SBNO2: variants seen among roughly 807,000 people sequenced by gnomAD.
SBNO2 encodes protein strawberry notch homolog 2.
SBNO2 carries 89 observed loss-of-function variants against 146.3 expected under a neutral mutation model. The ratio of observed to expected loss-of-function variants is 0.61; its 90% CI spans 0.51 to 0.73. The LOEUF is 0.73. Ranked by LOEUF, SBNO2 falls within the 30% of genes least tolerant of loss-of-function variation. SBNO2 has a pLI of 0.00. For missense variants in SBNO2, 2,092 were observed against 2,003.7 expected, an observed-to-expected ratio of 1.04 and a Z score of -0.84; for synonymous variants, 1,147 against 892.6, an observed-to-expected ratio of 1.29 and a Z score of -5.08.
rs139951728 is a variant in SBNO2 at position 1,147,254 on chromosome 19, G to A, written c.279+55C>T. 3.7e-4 allele frequency: 455 copies of A among 1,214,620 alleles called. 2 individuals carry two copies. The highest frequency in any genetic ancestry group is 3.7e-3 in the South Asian group (279 of 75,438). 75.2% of individuals were successfully genotyped at this position (1,214,620 alleles called of 1,614,324 possible). On this transcript the variant is annotated intron_variant, in intron 4 of 31. Transcript: ENST00000361757. The stretch of plus-strand genomic sequence containing the variant: ...GAGAGGTCGCAGGGCAGCTGGAGGG[G>A]CGGCCCAGACTCCACCCTGCCCCCC...
rs1178792141 is a variant in SBNO2, at chr19:1,158,366, C to A, written c.-126-3964G>T. Among the ~76,000 whole-genome samples the A allele has an allele frequency of 6.6e-6, 1 of 152,146 alleles. No homozygotes were observed. The highest frequency in any genetic ancestry group is 1.9e-4 in the East Asian group (1 of 5,202). The stretch of plus-strand genomic sequence containing the variant: ...GCACTTTCGGATGTGGACACGGAGG[C>A]CCCTAGGTGGAGCCTTGACGTGACC... On this transcript the variant is annotated intron_variant, in intron 1 of 31. Coordinates refer to ENST00000361757, the MANE Select transcript of SBNO2 (RefSeq NM_014963.3). The surrounding 1 kb of genome is among the most constrained non-coding windows in gnomAD (Gnocchi z 9.9).
chr19:1,123,057 A>G lies in SBNO2; in HGVS notation c.629-12T>C. The G allele has an allele frequency of 1.3e-6, 2 of 1,591,176 alleles. No individual in the cohort carries two copies. The highest frequency in any genetic ancestry group is 1.7e-6 in the Non-Finnish European group (2 of 1,169,546). On this transcript the variant is annotated splice_polypyrimidine_tract_variant and intron_variant, in intron 7 of 31. Transcript: ENST00000361757. The stretch of plus-strand genomic sequence containing the variant: ...CTTCCCGATCTTGGCTGGAGGAGCA[A>G]GGACGGAGGGCAAGGTAAAGGGTAT...
At position 1,150,893 on chromosome 19, in the gene SBNO2, G is replaced by A. The variant is rs968342217; in HGVS notation, c.94-1451C>T. 2.6e-5 allele frequency among the ~76,000 whole-genome samples: 4 copies of A among 152,132 alleles called. No homozygotes were observed. Among genetic ancestry groups the A allele is most frequent in the African/African-American group, 7.2e-5 (3 of 41,424 alleles). On this transcript the variant is annotated intron_variant, in intron 2 of 31. Transcript: ENST00000361757. The surrounding 1 kb of genome is among the most constrained non-coding windows in gnomAD (Gnocchi z 6.2). ...GATAGGCAAAGCCCTCGGGGTGACC[G>A]CTGCCCCGCTCCTCCAGCTTTTGCA...
intron 1 of SBNO2, among the ~76,000 whole-genome samples, chr19:1,166,084 C>T (rs1263611801): frequency 4.2e-5 from 1 of 23,948 alleles, no homozygotes; most frequent in Non-Finnish European, 8.3e-5. Flanking sequence ...TCTCAGATCC[C>T]AGACCCTAGA....
In SBNO2 at chr19:1,108,881, G is replaced by A. The variant is rs112869190; in HGVS notation, c.3514C>T (p.Leu1172=). Residue 1172 remains leucine (L), a synonymous_variant, in exon 31 of 32, where the codon CTG becomes TTG. Coordinates refer to ENST00000361757, the MANE Select transcript of SBNO2 (RefSeq NM_014963.3). ...RHHYMLCGAL[L]RVWGRIAAVM... is the part of the protein sequence containing the mutation. ...GCGGCGATGCGGCCCCACACGCGCA[G>A]CAGCGCGCCGCACAGCATGTAGTGG... 6.3e-7 allele frequency: 1 copy of A among 1,589,802 alleles called. No individual in the cohort carries two copies. Among genetic ancestry groups the A allele is most frequent in the Non-Finnish European group, 8.5e-7 (1 of 1,175,104 alleles).
At chr19:1,111,865 C>T (rs1226371747) in intron 23 of SBNO2, 131 bp downstream of exon 23, 2 of 960,008 alleles carry the variant, frequency 2.1e-6, no homozygotes, top group East Asian at 2.6e-5. Flanking sequence ...GTCCTAGACC[C>T]GGCCCTCCTC....
chr19:1,174,238 C>G lies in SBNO2; in HGVS notation c.-193G>C, dbSNP rs2080510192. On this transcript the variant is annotated 5_prime_UTR_variant, in exon 1 of 32. Transcript: ENST00000361757. ...GTTTCTCCGAGCCTCGCAGCTGCCGCCGCTCACTTCCGGGTTTCGGGCGCC... is the reference window on the plus strand; with the variant it reads ...GTTTCTCCGAGCCTCGCAGCTGCCGGCGCTCACTTCCGGGTTTCGGGCGCC... 6.6e-6 allele frequency: 1 copy of G among 151,860 alleles called. No individual in the cohort carries two copies. The allele number at this position is 151,860 out of a possible 1,614,324, so 9.4% of individuals were successfully genotyped here.
intron 2 of SBNO2, among the ~76,000 whole-genome samples, chr19:1,153,025 C>T (rs559525419): frequency 1.3e-5 from 2 of 151,620 alleles, no homozygotes; most frequent in Admixed American, 6.6e-5. Flanking sequence ...CATGGTGGCG[C>T]GTACCTGTGG....
At position 1,154,162 on chromosome 19, in the gene SBNO2, C is replaced by T. The variant is rs1361674483; in HGVS notation, c.93+22G>A. On this transcript the variant is annotated intron_variant, in intron 2 of 31. Transcript: ENST00000361757. Reference sequence around the variant, plus strand: ...TGCCCGTGGACCCCGTCGGGTGGGCCGGGGCCGGGGGTGGGGCTCACCTGC... The same window carrying T: ...TGCCCGTGGACCCCGTCGGGTGGGCTGGGGCCGGGGGTGGGGCTCACCTGC... 18 of 1,165,962 alleles carry T rather than the reference C, an allele frequency of 1.5e-5. No homozygotes were observed. The East Asian group carries it at 3.2e-4, about 21-fold the overall frequency. The allele number at this position is 1,165,962 out of a possible 1,614,324, so 72.2% of individuals were successfully genotyped here. A position where few individuals can be genotyped will look rare whatever the true frequency, so the allele number is the denominator to read the frequency against.
At position 1,158,457 on chromosome 19, in the gene SBNO2, C is replaced by T. The variant is rs1176284729; in HGVS notation, c.-126-4055G>A. Among the ~76,000 whole-genome samples the T allele has an allele frequency of 6.6e-6, 1 of 152,148 alleles. No individual in the cohort carries two copies. Among genetic ancestry groups the T allele is most frequent in the East Asian group, 1.9e-4 (1 of 5,188 alleles). On this transcript the variant is annotated intron_variant, in intron 1 of 31. Transcript: ENST00000361757. This position sits in a 1 kb window ranked among gnomAD's most constrained non-coding sequence, Gnocchi z 9.9. ...CGTTCGCGACGGCAAAGCGGAGACC[C>T]TGAGAAGACACTGGCCGCAGAGCCA...
At chr19:1,115,676 G>T in intron 17 of SBNO2, 1 of 401,104 alleles carries the variant, frequency 2.5e-6, no homozygotes, top group Non-Finnish European at 4.6e-6. Context: ...CAGAAGCCTG[G>T]GGGTTATCAA....
chr19:1,133,819 T>G (rs113675022), intron 4 of SBNO2, among the ~76,000 whole-genome samples: 5,702 of 151,710 alleles, frequency 0.038, 178 homozygotes, highest in Non-Finnish European at 0.063. Flanking sequence ...CAGAGACAGC[T>G]CCACACCAGC....
At chr19:1,113,832 G>A (rs74884477) in intron 18 of SBNO2, 128 bp from the exon 19 acceptor site, 31,864 of 1,214,396 alleles carry the variant, frequency 0.026, 473 homozygotes, top group Non-Finnish European at 0.03. Context: ...GCAGGGTGGC[G>A]GGGAAGCCCG....
Position 1,147,445 on chromosome 19 carries a change from G to A in SBNO2, c.168-25C>T, listed in dbSNP as rs778950627. ...GCTGGAGGGAGATGGGGGGGGGGGAGGTGAGATGGGGTGCTCAACCCACTC... is the reference window on the plus strand; with the variant it reads ...GCTGGAGGGAGATGGGGGGGGGGGAAGTGAGATGGGGTGCTCAACCCACTC... On this transcript the variant is annotated intron_variant, in intron 3 of 31. Transcript: ENST00000361757. 4 of 1,176,962 alleles carry A rather than the reference G, an allele frequency of 3.4e-6. No individual in the cohort carries two copies. The African/African-American group carries it at 5.0e-5, about 15-fold the overall frequency. The allele number at this position is 1,176,962 out of a possible 1,614,324, so 72.9% of individuals were successfully genotyped here.
rs1295473937 is a variant in SBNO2, at chr19:1,127,695, A to T, written c.350T>A (p.Ile117Asn). ...CGGCAGGAAGTCGGGCGTGTCCACG[A>T]TGTCCGACAGGGAGTCCACGGACGA... ...FSSSVDSLSDIVDTPDFLPAD... is the reference protein window; with the variant it reads ...FSSSVDSLSDNVDTPDFLPAD... Residue 117 changes from isoleucine (I) to asparagine (N), a missense_variant, in exon 5 of 32, where the codon ATC becomes AAC. Transcript: ENST00000361757. 1.9e-6 allele frequency: 3 copies of T among 1,613,464 alleles called. No homozygotes were observed. The African/African-American group carries it at 4.0e-5, about 22-fold the overall frequency.
At chr19:1,122,401 G>A (rs754246490) in intron 10 of SBNO2, 67 bp downstream of exon 10, 9 of 1,524,764 alleles carry the variant, frequency 5.9e-6, no homozygotes, top group Non-Finnish European at 8.0e-6. Context: ...CCACCCAGCT[G>A]AGCAGCCCCC....
chr19:1,136,469 G>A lies in SBNO2; in HGVS notation c.280-8704C>T, dbSNP rs2080085541. 6.6e-6 allele frequency among the ~76,000 whole-genome samples: 1 copy of A among 152,184 alleles called. No homozygotes were observed. Among genetic ancestry groups the A allele is most frequent in the Non-Finnish European group, 1.5e-5 (1 of 68,018 alleles). On this transcript the variant is annotated intron_variant, in intron 4 of 31. Coordinates refer to ENST00000361757, the MANE Select transcript of SBNO2 (RefSeq NM_014963.3). This position sits in a 1 kb window ranked among gnomAD's most constrained non-coding sequence, Gnocchi z 4.2. ...AGTCTCCCTCTCTAAGGCTGTCTGTGGGCGGCTCTGCCGGCCCCTCCTGCA... is the reference window on the plus strand; with the variant it reads ...AGTCTCCCTCTCTAAGGCTGTCTGTAGGCGGCTCTGCCGGCCCCTCCTGCA...
In SBNO2 at chr19:1,108,102, G is replaced by A. The variant is rs775688482; in HGVS notation, c.*118C>T. The A allele has an allele frequency of 8.5e-7, 1 of 1,172,204 alleles. No individual in the cohort carries two copies. The highest frequency in any genetic ancestry group is 3.3e-4 in the Middle Eastern group (1 of 3,040). 72.6% of individuals were successfully genotyped at this position (1,172,204 alleles called of 1,614,324 possible). A position where few individuals can be genotyped will look rare whatever the true frequency, so the allele number is the denominator to read the frequency against. ...CCGGGTCGGGCGCTGAAGGCACTGCGGCCAGGGCCTAGGGCTCCTCTGAGC... is the reference window on the plus strand; with the variant it reads ...CCGGGTCGGGCGCTGAAGGCACTGCAGCCAGGGCCTAGGGCTCCTCTGAGC... On this transcript the variant is annotated 3_prime_UTR_variant, in exon 32 of 32. Coordinates refer to ENST00000361757, the MANE Select transcript of SBNO2 (RefSeq NM_014963.3).
Position 1,108,061 on chromosome 19 carries a change from C to A in SBNO2, c.*159G>T. On this transcript the variant is annotated 3_prime_UTR_variant, in exon 32 of 32. Coordinates refer to ENST00000361757, the MANE Select transcript of SBNO2 (RefSeq NM_014963.3). ...CTGTCCTGAGTGGGCCCCGCCAGGGCTGACCAGGTGGGGGCCCGGGTCGGG... is the reference window on the plus strand; with the variant it reads ...CTGTCCTGAGTGGGCCCCGCCAGGGATGACCAGGTGGGGGCCCGGGTCGGG... 4 of 785,682 alleles carry A rather than the reference C, an allele frequency of 5.1e-6. No homozygotes were observed. The highest frequency in any genetic ancestry group is 2.3e-5 in the South Asian group (1 of 44,108). The allele number at this position is 785,682 out of a possible 1,614,324, so 48.7% of individuals were successfully genotyped here.
Sources: gnomAD v4.1 joint callset for allele counts (sites outside exome capture counted in the v4.1 genomes callset) on GRCh38, gnomAD v4.1.1 for gene constraint, Gnocchi (gnomAD v3.1) non-coding constraint, MANE v1.5 for transcripts, NCBI Gene and HGNC (gene_info 2026-07-23, HGNC 2026-07-21) for gene names.